Variants in ZBBX observed in about 807,000 individuals in gnomAD.
The protein encoded by ZBBX is zinc finger B-box domain containing, also known as zinc finger B-box domain-containing protein 1.
In ZBBX, 101 loss-of-function variants were observed where a neutral mutation model predicts 108.5. The ratio of observed to expected loss-of-function variants is 0.93; its 90% confidence interval spans 0.79 to 1.10. ZBBX has a LOEUF of 1.10. Ranked by LOEUF, ZBBX falls within the 50% of genes least tolerant of loss-of-function variation. ZBBX has a pLI of 0.00. For missense variants in ZBBX, 1,009 were observed against 941.4 expected, an observed-to-expected ratio of 1.07 and a Z score of -0.94; for synonymous variants, 356 against 323.4, an observed-to-expected ratio of 1.10 and a Z score of -1.08.
At chr3:167,308,716 T>C (rs1418663589) in intron 16 of ZBBX, among the ~76,000 whole-genome samples, 2 of 152,040 alleles carry the variant, frequency 1.3e-5, no homozygotes, top group African/African-American at 4.8e-5. Context: ...AACTAAGCAC[T>C]AGTTTATAAT....
At chr3:167,406,283 A>C (rs561906480) in intron 1 of ZBBX, among the ~76,000 whole-genome samples, 195 of 152,358 alleles carry the variant, frequency 1.3e-3, no homozygotes, top group African/African-American at 3.5e-3. Flanking sequence ...AAGCCTACTT[A>C]TATTTTTCAC....
intron 16 of ZBBX, among the ~76,000 whole-genome samples, chr3:167,313,132 G>A (rs1006737891): frequency 2.6e-5 from 4 of 152,042 alleles, no homozygotes; most frequent in African/African-American, 9.7e-5. Flanking sequence ...CTGACTCCTA[G>A]GCCAGGATAC....
At chr3:167,384,115 T>G (rs1577141492), upstream of ZBBX, among the ~76,000 whole-genome samples, 1 of 152,114 alleles carries the variant, frequency 6.6e-6, no homozygotes, top group African/African-American at 2.4e-5. Flanking sequence ...AGCAGATCTT[T>G]AAGCATCTCA....
At chr3:167,292,760 G>A (rs921918515) in intron 18 of ZBBX, among the ~76,000 whole-genome samples, 3 of 152,074 alleles carry the variant, frequency 2.0e-5, no homozygotes, top group Non-Finnish European at 4.4e-5. Flanking sequence ...ATGAATCCAG[G>A]AGCTGTTTAT....
intron 16 of ZBBX, among the ~76,000 whole-genome samples, chr3:167,307,041 C>G (rs1733771657): frequency 6.6e-6 from 1 of 152,110 alleles, no homozygotes; most frequent in Non-Finnish European, 1.5e-5. Context: ...AAGACACACC[C>G]ACACAGGTGC....
intron 8 of ZBBX, among the ~76,000 whole-genome samples, chr3:167,356,935 T>C (rs1231746397): frequency 6.6e-6 from 1 of 152,146 alleles, no homozygotes; most frequent in Non-Finnish European, 1.5e-5. Context: ...TTTACTGATA[T>C]GAGGAAACTG....
At chr3:167,377,009 G>GTGTCTTTTGGTCATTCAGTTTTTTT (rs1443537317) in intron 2 of ZBBX, among the ~76,000 whole-genome samples, 3 of 152,102 alleles carry the variant, frequency 2.0e-5, no homozygotes, top group Non-Finnish European at 4.4e-5. Context: ...ATACTTCCTT[G>GTGTCTTTTGGTCATTCAGTTTTTTT]TGTCTTTTGG....
intron 9 of ZBBX, among the ~76,000 whole-genome samples, chr3:167,334,742 T>C (rs529748738): frequency 3.3e-5 from 5 of 152,010 alleles, no homozygotes; most frequent in Admixed American, 1.3e-4. Flanking sequence ...ATAGATGCGA[T>C]ATTTTGTGCA....
chr3:167,221,539 A>G, the ZBBX span, among the ~76,000 whole-genome samples: 2 of 151,970 alleles, frequency 1.3e-5, no homozygotes, highest in Non-Finnish European at 2.9e-5. Flanking sequence ...AAAGACTTAA[A>G]TCTAAGACCT....
chr3:167,376,471 A>G (rs1258836464), intron 2 of ZBBX, among the ~76,000 whole-genome samples: 4 of 152,178 alleles, frequency 2.6e-5, no homozygotes, highest in Non-Finnish European at 5.9e-5. Flanking sequence ...ATAATTTCCA[A>G]AGTTAATCTG....
intron 8 of ZBBX, among the ~76,000 whole-genome samples, chr3:167,354,065 A>G (rs1365797882): frequency 6.6e-6 from 1 of 152,012 alleles, no homozygotes; most frequent in South Asian, 2.1e-4. Context: ...TAGCCTAGCT[A>G]ACCTTAAATG....
the ZBBX span, among the ~76,000 whole-genome samples, chr3:167,199,911 G>T: frequency 6.6e-6 from 1 of 152,108 alleles, no homozygotes; most frequent in African/African-American, 2.4e-5. Context: ...TTTAAAATTT[G>T]AAATCAATGT....
At chr3:167,317,454 C>T (rs1251191274) in intron 13 of ZBBX, 34 bp downstream of exon 13, 3 of 1,500,970 alleles carry the variant, frequency 2.0e-6, no homozygotes, top group Non-Finnish European at 1.8e-6. Context: ...TGAGACAATA[C>T]ATTTTAAAAA....
At chr3:167,278,312 C>A (rs1283315702) in intron 20 of ZBBX, among the ~76,000 whole-genome samples, 3 of 150,642 alleles carry the variant, frequency 2.0e-5, no homozygotes, top group African/African-American at 7.3e-5. Context: ...AATCCAGGAG[C>A]TGGTTTTTTG....
chr3:167,380,882 A>T (rs1025725616), upstream of ZBBX, among the ~76,000 whole-genome samples: 9 of 151,390 alleles, frequency 5.9e-5, no homozygotes, highest in Non-Finnish European at 1.0e-4. Context: ...ACACACACAC[A>T]CACACACACA....
At chr3:167,387,595 A>C (rs931536020) in intron 1 of ZBBX, among the ~76,000 whole-genome samples, 9 of 152,054 alleles carry the variant, frequency 5.9e-5, no homozygotes, top group African/African-American at 2.2e-4. Flanking sequence ...GAATCTAAAA[A>C]TTTCTAGCAT....
chr3:167,321,905 A>G (rs567093495), intron 12 of ZBBX, among the ~76,000 whole-genome samples: 1 of 152,004 alleles, frequency 6.6e-6, no homozygotes, highest in African/African-American at 2.4e-5. Flanking sequence ...CCATTTCTCA[A>G]GGAAAACTGT....
Position 167,253,453 on chromosome 3 carries a change from C to A in ZBBX, c.2255-10810G>T, listed in dbSNP as rs530791841. Among the ~76,000 whole-genome samples, 9 of 152,240 alleles carry A rather than the reference C, an allele frequency of 5.9e-5. No homozygotes were observed. In the South Asian group the frequency reaches 1.9e-3, roughly 32 times the overall value. ...AATTGCAAATCTGAAGGTTTCCCCA[C>A]AGAGACAGCACACAGGAAAACAGGT... On this transcript the variant is annotated intron_variant, in intron 20 of 21. Transcript: ENST00000675490.
chr3:167,286,827 T>C (rs1449097413), intron 19 of ZBBX, among the ~76,000 whole-genome samples: 1 of 152,102 alleles, frequency 6.6e-6, no homozygotes, highest in Non-Finnish European at 1.5e-5. Flanking sequence ...TAAACACACA[T>C]AGCTACGATG....
Sources: allele counts gnomAD v4.1 joint callset (sites outside exome capture counted in the v4.1 genomes callset), GRCh38; gene constraint gnomAD v4.1.1; transcripts MANE v1.5; gene names NCBI Gene and HGNC (gene_info 2026-07-23, HGNC 2026-07-21).